Variants in ADGRB3 observed in about 807,000 individuals in gnomAD.
The protein encoded by ADGRB3 is brain-specific angiogenesis inhibitor 3.
In ADGRB3, 37 loss-of-function variants were observed where a neutral mutation model predicts 193.4. That is an observed-to-expected ratio of 0.19 (90% confidence interval 0.15 to 0.25). The LOEUF (loss-of-function observed/expected upper bound fraction) is 0.25, where lower values mean the gene tolerates loss of function less well. ADGRB3 is among the 10% of genes least tolerant of loss of function. ADGRB3 has a pLI of 1.00. For synonymous variants in ADGRB3, 690 were observed against 644.2 expected, an observed-to-expected ratio of 1.07 and a Z score of -1.08; for missense variants, 1,637 against 1,852.9, an observed-to-expected ratio of 0.88 and a Z score of 2.14.
At chr6:68,744,211 A>T (rs923709848) in intron 3 of ADGRB3, among the ~76,000 whole-genome samples, 1 of 152,036 alleles carries the variant, frequency 6.6e-6, no homozygotes, top group Non-Finnish European at 1.5e-5. Flanking sequence ...CAAAAACAGA[A>T]CTTTTTTTAA....
intron 17 of ADGRB3, among the ~76,000 whole-genome samples, chr6:69,107,711 A>G (rs1377269085): frequency 1.3e-5 from 2 of 152,222 alleles, no homozygotes; most frequent in Non-Finnish European, 2.9e-5. Flanking sequence ...CTACATAGCC[A>G]TAAAAAGAAT....
chr6:68,861,583 A>C (rs1446258385), intron 3 of ADGRB3, among the ~76,000 whole-genome samples: 1 of 152,094 alleles, frequency 6.6e-6, no homozygotes, highest in Non-Finnish European at 1.5e-5. Flanking sequence ...TAAATAAATA[A>C]ATTCTACACA....
intron 17 of ADGRB3, among the ~76,000 whole-genome samples, chr6:69,221,778 A>T (rs1293271116): frequency 2.0e-5 from 3 of 152,176 alleles, no homozygotes; most frequent in Admixed American, 2.0e-4. Flanking sequence ...GTTTCCACTG[A>T]TAATTTCTTG....
chr6:69,106,179 A>AAAAAAAG (rs1554143751), intron 17 of ADGRB3, among the ~76,000 whole-genome samples: 31 of 140,810 alleles, frequency 2.2e-4, no homozygotes, highest in Admixed American at 8.8e-4. Context: ...AAAAAAAAAA[A>AAAAAAAG]AAAAGAAAAG....
chr6:69,099,200 T>A (rs919910455), intron 17 of ADGRB3, among the ~76,000 whole-genome samples: 5 of 152,144 alleles, frequency 3.3e-5, no homozygotes, highest in African/African-American at 1.2e-4. Flanking sequence ...GTGGTCCAAT[T>A]CCCCCACAGC....
chr6:69,245,136 A>G (rs1025514252), intron 20 of ADGRB3, among the ~76,000 whole-genome samples: 1 of 151,960 alleles, frequency 6.6e-6, no homozygotes, highest in African/African-American at 2.4e-5. Flanking sequence ...GAGTAAATCT[A>G]ATAAATCATC....
intron 20 of ADGRB3, among the ~76,000 whole-genome samples, chr6:69,262,992 C>T (rs1439701829): frequency 6.6e-6 from 1 of 151,880 alleles, no homozygotes; most frequent in African/African-American, 2.4e-5. Flanking sequence ...AAAAAGGAAC[C>T]ATTTTAAATT....
intron 3 of ADGRB3, among the ~76,000 whole-genome samples, chr6:68,682,079 CAATTGGGG>C (rs892003968): frequency 3.9e-5 from 6 of 152,178 alleles, no homozygotes; most frequent in African/African-American, 1.2e-4. Context: ...CTGGCCACTG[CAATTGGGG>C]AACCAGTTGC....
intron 3 of ADGRB3, among the ~76,000 whole-genome samples, chr6:68,679,538 C>A (rs1179642734): frequency 6.6e-6 from 1 of 151,828 alleles, no homozygotes; most frequent in Non-Finnish European, 1.5e-5. Flanking sequence ...TAGGTAGCTG[C>A]TTTTCAGGAA....
chr6:68,779,146 A>G (rs937052886), intron 3 of ADGRB3, among the ~76,000 whole-genome samples: 1 of 151,928 alleles, frequency 6.6e-6, no homozygotes, highest in African/African-American at 2.4e-5. Context: ...ATATATACAT[A>G]ACAGAGGCAT....
At chr6:68,903,776 C>T (rs370165742) in intron 3 of ADGRB3, among the ~76,000 whole-genome samples, 45 of 151,486 alleles carry the variant, frequency 3.0e-4, no homozygotes, top group South Asian at 2.7e-3. Context: ...AGTGGGAAGC[C>T]GAGGTGAGAG....
intron 17 of ADGRB3, among the ~76,000 whole-genome samples, chr6:69,230,896 C>T (rs573219060): frequency 6.6e-6 from 1 of 152,260 alleles, no homozygotes; most frequent in Non-Finnish European, 1.5e-5. Context: ...CACTCAGATG[C>T]TATTGTATGT....
chr6:68,991,083 C>T (rs1490828114), intron 10 of ADGRB3, among the ~76,000 whole-genome samples: 2 of 151,942 alleles, frequency 1.3e-5, no homozygotes, highest in Non-Finnish European at 2.9e-5. Context: ...CGTTTTTCAG[C>T]TCAGAAGCAG....
intron 8 of ADGRB3, among the ~76,000 whole-genome samples, chr6:68,958,555 G>A (rs117113063): frequency 0.014 from 2,122 of 152,090 alleles, 25 homozygotes; most frequent in South Asian, 0.026. Flanking sequence ...TACAGAGATT[G>A]CCACCTGCTG....
At chr6:69,082,668 T>C (rs895324427) in intron 17 of ADGRB3, among the ~76,000 whole-genome samples, 4 of 152,164 alleles carry the variant, frequency 2.6e-5, no homozygotes, top group Non-Finnish European at 5.9e-5. Context: ...TTATGCATAT[T>C]TTTGTAATCT....
intron 3 of ADGRB3, among the ~76,000 whole-genome samples, chr6:68,922,663 G>A (rs375114015): frequency 6.6e-6 from 1 of 152,096 alleles, no homozygotes; most frequent in Non-Finnish European, 1.5e-5. Context: ...TCATGTTCCC[G>A]GTATCTCCTT....
At chr6:69,060,163 A>T (rs949822697) in intron 15 of ADGRB3, among the ~76,000 whole-genome samples, 3 of 151,986 alleles carry the variant, frequency 2.0e-5, no homozygotes, top group African/African-American at 7.2e-5. Context: ...TTCTAAATAT[A>T]TTAAAACATA....
chr6:68,949,693 A>T lies in ADGRB3; in HGVS notation c.1195+5699A>T, dbSNP rs531933796. Among the ~76,000 whole-genome samples the T allele has an allele frequency of 4.6e-5, 7 of 152,226 alleles. No individual in the cohort carries two copies. The East Asian group carries it at 1.2e-3, about 25-fold the overall frequency. The stretch of plus-strand genomic sequence containing the variant: ...GCCTCATTAACCTGTTCTTTAATTG[A>T]TATGGATTTTATCTTCTTAGCCTTC... On this transcript the variant is annotated intron_variant, in intron 6 of 31. Coordinates refer to ENST00000370598, the MANE Select transcript of ADGRB3 (RefSeq NM_001704.3).
chr6:69,383,390 T>C (rs1385968866), intron 31 of ADGRB3, among the ~76,000 whole-genome samples: 1 of 152,006 alleles, frequency 6.6e-6, no homozygotes, highest in Non-Finnish European at 1.5e-5. Context: ...GTAAGAATTT[T>C]CGTACACACA....
Sources: allele counts gnomAD v4.1 joint callset (sites outside exome capture counted in the v4.1 genomes callset), GRCh38; gene constraint gnomAD v4.1.1; transcripts MANE v1.5; gene names NCBI Gene and HGNC (gene_info 2026-07-23, HGNC 2026-07-21).